The following ABCA1 variants were observed in gnomAD, a reference collection of about 807,000 sequenced individuals.
ABCA1 encodes the protein phospholipid-transporting ATPase ABCA1.
A neutral mutation model predicts 262.5 loss-of-function variants in ABCA1; 133 were observed. The ratio of observed to expected loss-of-function variants is 0.51; its 90% confidence interval spans 0.44 to 0.59. The LOEUF is 0.59. Ranked by LOEUF, ABCA1 falls within the 20% of genes least tolerant of loss-of-function variation. The pLI, the probability that ABCA1 is intolerant of heterozygous loss-of-function variation, is 0.00. For missense variants in ABCA1, 2,452 were observed against 2,777.5 expected (o/e 0.88, Z 2.63); for synonymous variants, 1,022 against 1,043.5 (o/e 0.98, Z 0.40).
intron 34 of ABCA1, among the ~76,000 whole-genome samples, chr9:104,801,333 C>T (rs530743965): frequency 3.9e-5 from 6 of 152,032 alleles, no homozygotes; most frequent in South Asian, 2.1e-4. Flanking sequence ...AATTCTCTCA[C>T]CTCAGCCTCC....
intron 22 of ABCA1, 52 bp downstream of exon 22, chr9:104,819,534 G>GC: frequency 2.5e-6 from 4 of 1,612,308 alleles, no homozygotes; most frequent in South Asian, 1.1e-5. Context: ...CTTCTCAAAA[G>GC]CCCCCCGCTC....
chr9:104,919,484 C>T (rs1026195838), intron 1 of ABCA1, among the ~76,000 whole-genome samples: 8 of 152,134 alleles, frequency 5.3e-5, no homozygotes, highest in East Asian at 3.9e-4. Flanking sequence ...TGGTGGCATA[C>T]GCCTGTAGTC....
rs1829122626 is a variant in ABCA1 at position 104,788,492 on chromosome 9, C to G, written c.6003G>C (p.Leu2001Phe). Residue 2001 changes from leucine to phenylalanine, a missense_variant, in exon 45 of 50, where the codon TTG becomes TTC. Leu to Phe is a conservative substitution (Grantham distance 22). This residue lies in a region of ABCA1 where 752 missense variants were observed against 944.5 expected (regional missense o/e 0.80). Coordinates refer to ENST00000374736, the MANE Select transcript of ABCA1 (RefSeq NM_005502.4). ...AGAACTCCACGTGTTCTCTCCCAGTCAACAGCTCTGTGATGGCATCAAACT... is the reference window on the plus strand; with the variant it reads ...AGAACTCCACGTGTTCTCTCCCAGTGAACAGCTCTGTGATGGCATCAAACT... ...CPQFDAITEL[L>F]TGREHVEFFA... The G allele has an allele frequency of 1.2e-6, 2 of 1,614,218 alleles. No homozygotes were observed. Among genetic ancestry groups the G allele is most frequent in the Non-Finnish European group, 1.7e-6 (2 of 1,180,042 alleles).
intron 1 of ABCA1, among the ~76,000 whole-genome samples, chr9:104,922,123 A>C (rs953498523): frequency 2.6e-5 from 4 of 152,222 alleles, no homozygotes; most frequent in Admixed American, 6.5e-5. Flanking sequence ...AACCAAATCC[A>C]GTGCTCCTCC....
At chr9:104,818,017 A>G (rs551925175) in intron 23 of ABCA1, among the ~76,000 whole-genome samples, 32 of 152,270 alleles carry the variant, frequency 2.1e-4, no homozygotes, top group South Asian at 8.3e-4. Context: ...ATACCTGGTA[A>G]TTGGGTCTGG....
intron 5 of ABCA1, among the ~76,000 whole-genome samples, chr9:104,878,335 G>C (rs1009899087): frequency 6.6e-6 from 1 of 152,206 alleles, no homozygotes; most frequent in African/African-American, 2.4e-5. Context: ...AAGTGGGTGA[G>C]GCACCCTGTA....
chr9:104,824,196 G>T (rs1237165186), intron 18 of ABCA1, among the ~76,000 whole-genome samples: 1 of 152,182 alleles, frequency 6.6e-6, no homozygotes, highest in Non-Finnish European at 1.5e-5. Context: ...ATGTGTGTTT[G>T]GGAGGGGGCA....
chr9:104,797,824 T>C (rs1468935350), intron 37 of ABCA1, among the ~76,000 whole-genome samples: 1 of 152,104 alleles, frequency 6.6e-6, no homozygotes, highest in African/African-American at 2.4e-5. Context: ...GGAGAAGAAT[T>C]AGATTTGCTC....
chr9:104,860,960 T>C (rs1235042359), intron 6 of ABCA1, among the ~76,000 whole-genome samples: 2 of 152,102 alleles, frequency 1.3e-5, no homozygotes, highest in African/African-American at 2.4e-5. Context: ...TTTGCCATGT[T>C]GGCCAGGATG....
chr9:104,805,975 C>T (rs975499223), intron 31 of ABCA1, among the ~76,000 whole-genome samples: 26 of 152,158 alleles, frequency 1.7e-4, no homozygotes, highest in African/African-American at 6.3e-4. Flanking sequence ...CATGGTGGTG[C>T]GTGCCTGTAA....
At chr9:104,838,877 G>A (rs1834095984) in intron 9 of ABCA1, among the ~76,000 whole-genome samples, 1 of 151,770 alleles carries the variant, frequency 6.6e-6, no homozygotes, top group Admixed American at 6.6e-5. Context: ...GGCTTCCTTG[G>A]GTCAACTTGC....
intron 19 of ABCA1, among the ~76,000 whole-genome samples, chr9:104,821,924 T>A (rs945626739): frequency 2.6e-5 from 4 of 152,182 alleles, no homozygotes; most frequent in African/African-American, 9.7e-5. Flanking sequence ...ATTAATTCTA[T>A]GTTTTAAAAA....
At chr9:104,878,805 A>G (rs1317494849) in intron 5 of ABCA1, among the ~76,000 whole-genome samples, 4 of 152,222 alleles carry the variant, frequency 2.6e-5, no homozygotes, top group Non-Finnish European at 5.9e-5. Context: ...GGAAATCATG[A>G]GAGTATTTGA....
At chr9:104,810,244 G>A (rs1831163205) in intron 29 of ABCA1, among the ~76,000 whole-genome samples, 1 of 149,758 alleles carries the variant, frequency 6.7e-6, no homozygotes, top group East Asian at 2.0e-4. Context: ...AATCTTTCAG[G>A]ACTGAAGAAA....
chr9:104,875,058 T>C (rs1838026279), intron 5 of ABCA1, among the ~76,000 whole-genome samples: 1 of 151,204 alleles, frequency 6.6e-6, no homozygotes, highest in Non-Finnish European at 1.5e-5. Context: ...AAGGGGGAAA[T>C]GTGGGGAAAA....
rs566716303 is a variant in ABCA1 at position 104,791,207 on chromosome 9, G to A, written c.5821-179C>T. On this transcript the variant is annotated intron_variant, in intron 43 of 49. Coordinates refer to ENST00000374736, the MANE Select transcript of ABCA1 (RefSeq NM_005502.4). ...GTATTTCATAATGGGACCATTTTAA[G>A]TGTGGCTGTATTTATAAATATTATT... Among the ~76,000 whole-genome samples, 9 of 152,246 alleles carry A rather than the reference G, an allele frequency of 5.9e-5. No homozygotes were observed. The East Asian group carries it at 1.7e-3, about 29-fold the overall frequency.
chr9:104,794,038 G>A (rs1016474828), intron 40 of ABCA1, among the ~76,000 whole-genome samples: 1 of 152,196 alleles, frequency 6.6e-6, no homozygotes, highest in Non-Finnish European at 1.5e-5. Flanking sequence ...CTTTCCTTCT[G>A]ATTCCCTGAT....
chr9:104,821,612 C>T, intron 19 of ABCA1, 106 bp from the exon 20 acceptor site: 1 of 1,338,336 alleles, frequency 7.5e-7, no homozygotes, highest in Non-Finnish European at 1.0e-6. Flanking sequence ...CTCCCACCGC[C>T]CCCATTCCTT....
chr9:104,837,378 C>T (rs781769726), intron 10 of ABCA1, 50 bp downstream of exon 10: 1 of 1,611,722 alleles, frequency 6.2e-7, no homozygotes, highest in East Asian at 2.2e-5. Flanking sequence ...TTTTTGCCCC[C>T]AGTTCTGGGG....
Sources: gnomAD v4.1 joint callset for allele counts (sites outside exome capture counted in the v4.1 genomes callset) on GRCh38, gnomAD v4.1.1 for gene constraint, gnomAD v4.1.1 regional missense constraint, MANE v1.5 for transcripts, NCBI Gene and HGNC (gene_info 2026-07-23, HGNC 2026-07-21) for gene names.